HS3ST5: variants seen among roughly 807,000 people sequenced by gnomAD.
HS3ST5 encodes heparan sulfate glucosamine 3-O-sulfotransferase 5.
In HS3ST5, 10 loss-of-function variants were observed where a neutral mutation model predicts 25.4. That is an observed-to-expected ratio of 0.39 (90% CI 0.24 to 0.67). The LOEUF is 0.67. Ranked by LOEUF, HS3ST5 falls within the 30% of genes least tolerant of loss-of-function variation. The pLI, the probability that HS3ST5 is intolerant of heterozygous loss-of-function variation, is 0.44. For synonymous variants in HS3ST5, 170 were observed against 162.4 expected (o/e 1.05, Z -0.36); for missense variants, 324 against 420.7 (o/e 0.77, Z 2.01).
Position 114,273,285 on chromosome 6 carries a change from A to G in HS3ST5, c.-338-44507T>C, listed in dbSNP as rs147096064. ...TTTTGTCCTAAGCAATTGTAAGGAC[A>G]CTATTACCATCTACTGAGATGGGAA... is the stretch of plus-strand genomic sequence containing the variant. On this transcript the variant is annotated intron_variant, in intron 1 of 4. Coordinates refer to ENST00000312719, the MANE Select transcript of HS3ST5 (RefSeq NM_153612.4). 2.0e-5 allele frequency among the ~76,000 whole-genome samples: 3 copies of G among 152,202 alleles called. No individual in the cohort carries two copies. In the East Asian group the frequency reaches 5.8e-4, roughly 30 times the overall value.
chr6:114,321,466 T>C (rs901470531), intron 1 of HS3ST5, among the ~76,000 whole-genome samples: 3 of 152,128 alleles, frequency 2.0e-5, no homozygotes, highest in African/African-American at 7.2e-5. Context: ...GCTTAGCACT[T>C]TCTGGCTTGA....
At chr6:114,177,258 T>C (rs971958483) in intron 2 of HS3ST5, among the ~76,000 whole-genome samples, 1 of 152,216 alleles carries the variant, frequency 6.6e-6, no homozygotes, top group African/African-American at 2.4e-5. Flanking sequence ...AAATAAATGA[T>C]ATGAAGAACA....
intron 2 of HS3ST5, among the ~76,000 whole-genome samples, chr6:114,224,674 A>C (rs996557070): frequency 7.1e-6 from 1 of 141,292 alleles, no homozygotes; most frequent in African/African-American, 2.6e-5. Context: ...CTTATTTTAT[A>C]CATATATATA....
intron 1 of HS3ST5, among the ~76,000 whole-genome samples, chr6:114,329,389 C>T (rs564489118): frequency 1.3e-5 from 2 of 152,312 alleles, no homozygotes; most frequent in South Asian, 4.1e-4. Flanking sequence ...TAATAGCCTA[C>T]ATCTGCATGA....
intron 2 of HS3ST5, among the ~76,000 whole-genome samples, chr6:114,206,193 T>C (rs903132201): frequency 3.9e-5 from 6 of 152,202 alleles, no homozygotes; most frequent in African/African-American, 7.2e-5. Context: ...GTATTTTTTA[T>C]TGTACTACAC....
In HS3ST5 at chr6:114,188,855, A is replaced by C. The variant is rs373118665; in HGVS notation, c.-144-20393T>G. On this transcript the variant is annotated intron_variant, in intron 2 of 4. Coordinates refer to ENST00000312719, the MANE Select transcript of HS3ST5 (RefSeq NM_153612.4). ...ATGTAGTACCATTCTCATCTGAGTC[A>C]CATAGCATTAGGTTTTCTGTTAATT... is the stretch of plus-strand genomic sequence containing the variant. Among the ~76,000 whole-genome samples, 9 of 152,190 alleles carry C rather than the reference A, an allele frequency of 5.9e-5. No individual in the cohort carries two copies. The East Asian group carries it at 1.2e-3, about 20-fold the overall frequency.
At chr6:114,214,133 A>G (rs1183837742) in intron 2 of HS3ST5, among the ~76,000 whole-genome samples, 2 of 152,230 alleles carry the variant, frequency 1.3e-5, no homozygotes, top group East Asian at 3.9e-4. Flanking sequence ...AAACATCCAA[A>G]GATAGTCATC....
chr6:114,310,500 A>T (rs965025654), intron 1 of HS3ST5, among the ~76,000 whole-genome samples: 1 of 152,050 alleles, frequency 6.6e-6, no homozygotes, highest in African/African-American at 2.4e-5. Flanking sequence ...TTTTTTGTGG[A>T]AAAGACTTTA....
At chr6:114,328,703 T>A (rs1288248523) in intron 1 of HS3ST5, among the ~76,000 whole-genome samples, 2 of 152,350 alleles carry the variant, frequency 1.3e-5, no homozygotes, top group Middle Eastern at 3.4e-3. Flanking sequence ...TTTATTGTCA[T>A]GAGCAGGAAT....
intron 3 of HS3ST5, among the ~76,000 whole-genome samples, chr6:114,108,971 TG>T: frequency 6.6e-6 from 1 of 152,156 alleles, no homozygotes; most frequent in Non-Finnish European, 1.5e-5. Flanking sequence ...GAGACCAGCC[TG>T]GGCAACATGG....
rs1040902452 is a variant in HS3ST5, at chr6:114,148,987, T to C, written c.-33+19364A>G. 2.6e-4 allele frequency among the ~76,000 whole-genome samples: 40 copies of C among 152,158 alleles called. 1 individual carries two copies. The highest frequency in any genetic ancestry group is 6.2e-4 in the South Asian group (3 of 4,820). On this transcript the variant is annotated intron_variant, in intron 3 of 4. Coordinates refer to ENST00000312719, the MANE Select transcript of HS3ST5 (RefSeq NM_153612.4). ...GCAAACAAACATGAAAGAAAGCTCA[T>C]CATCACTGATCATTAGAGAAATGCA... is the stretch of plus-strand genomic sequence containing the variant.
At chr6:114,219,812 T>C (rs1781945557) in intron 2 of HS3ST5, among the ~76,000 whole-genome samples, 1 of 152,168 alleles carries the variant, frequency 6.6e-6, no homozygotes, top group African/African-American at 2.4e-5. Flanking sequence ...CCATGTGTAC[T>C]GGAACAGGTA....
rs1253860562 is a variant in HS3ST5, at chr6:114,185,178, GA to G, written c.-144-16717del. On this transcript the variant is annotated intron_variant, in intron 2 of 4. Coordinates refer to ENST00000312719, the MANE Select transcript of HS3ST5 (RefSeq NM_153612.4). ...ATGAAATAGGCATGAGTTTTGAGGG[GA>G]AAAGGGTAGAATGTCATGGACTGAA... Among the ~76,000 whole-genome samples, 4 of 152,146 alleles carry G rather than the reference GA, an allele frequency of 2.6e-5. No individual in the cohort carries two copies. In the East Asian group the frequency reaches 7.7e-4, roughly 29 times the overall value.
intron 3 of HS3ST5, chr6:114,084,802 C>A: frequency 2.8e-6 from 2 of 705,992 alleles, no homozygotes; most frequent in Non-Finnish European, 5.1e-6. Context: ...TATTTTCAAA[C>A]TCTTAGAAAA....
intron 3 of HS3ST5, among the ~76,000 whole-genome samples, chr6:114,100,534 GC>G (rs1775671672): frequency 6.6e-6 from 1 of 152,106 alleles, no homozygotes; most frequent in South Asian, 2.1e-4. Flanking sequence ...TTTTAACACT[GC>G]CCAACTATTT....
At chr6:114,163,421 G>A (rs1450406586) in intron 3 of HS3ST5, among the ~76,000 whole-genome samples, 1 of 152,062 alleles carries the variant, frequency 6.6e-6, no homozygotes, top group Non-Finnish European at 1.5e-5. Context: ...AAAAAGGTAA[G>A]TACGCAGTAG....
intron 1 of HS3ST5, among the ~76,000 whole-genome samples, chr6:114,337,806 A>T (rs1208359436): frequency 6.6e-6 from 1 of 152,186 alleles, no homozygotes; most frequent in East Asian, 1.9e-4. Flanking sequence ...ATTCAAGAGC[A>T]GAGTAGACTA....
At chr6:114,076,098 G>A (rs1281977495) in intron 3 of HS3ST5, among the ~76,000 whole-genome samples, 1 of 152,186 alleles carries the variant, frequency 6.6e-6, no homozygotes, top group Non-Finnish European at 1.5e-5. Flanking sequence ...CTATCAAACA[G>A]GTAAGAAAAG....
chr6:114,291,541 C>G (rs1395192718), intron 1 of HS3ST5, among the ~76,000 whole-genome samples: 1 of 152,130 alleles, frequency 6.6e-6, no homozygotes, highest in Non-Finnish European at 1.5e-5. Flanking sequence ...TTTGTAGATA[C>G]AGGCAATGCC....
Sources: gnomAD v4.1 joint callset for allele counts (sites outside exome capture counted in the v4.1 genomes callset) on GRCh38, gnomAD v4.1.1 for gene constraint, MANE v1.5 for transcripts, NCBI Gene and HGNC (gene_info 2026-07-23, HGNC 2026-07-21) for gene names.